Variants in ALK observed in about 807,000 individuals in gnomAD.
The protein encoded by ALK is ALK tyrosine kinase receptor.
A neutral mutation model predicts 163.1 loss-of-function variants in ALK; 74 were observed. The ratio of observed to expected loss-of-function variants is 0.45; its 90% CI spans 0.38 to 0.55. The LOEUF (loss-of-function observed/expected upper bound fraction) is 0.55. Ranked by LOEUF, ALK falls within the 20% of genes least tolerant of loss-of-function variation. The probability of loss-of-function intolerance (pLI) is 0.00; values close to 1 mark genes in which losing one functional copy is unlikely to be tolerated. For synonymous variants in ALK, 960 were observed against 843.2 expected (o/e 1.14, Z -2.40); for missense variants, 2,063 against 2,105.3 (o/e 0.98, Z 0.39).
At chr2:29,206,235 T>TCTACCTCCTCTCCC (rs1669305759) in intron 26 of ALK, among the ~76,000 whole-genome samples, 1 of 149,850 alleles carries the variant, frequency 6.7e-6, no homozygotes, top group African/African-American at 2.4e-5. Context: ...GCCCCTCCCT[T>TCTACCTCCTCTCCC]CTACCTCCTC....
chr2:29,275,465 G>A lies in ALK; in HGVS notation c.1849C>T (p.Gln617Ter). Reference sequence around the variant, plus strand: ...AAAGCCACGATGGCTCTGGATCCTTGTCCCCACCATGCGACCATCTGCAGC... The same window carrying A: ...AAAGCCACGATGGCTCTGGATCCTTATCCCCACCATGCGACCATCTGCAGC... The part of the protein sequence containing the change: ...FWLQMVAWWG[Q>*]GSRAIVAFDN... Residue 617 changes from glutamine (Q) to a stop codon, truncating the protein, a stop_gained, in exon 10 of 29, where the codon CAA becomes TAA. Coordinates refer to ENST00000389048, the MANE Select transcript of ALK (RefSeq NM_004304.5). LOFTEE classifies it high-confidence loss of function. 1 of 1,614,162 alleles carries A rather than the reference G, an allele frequency of 6.2e-7. No homozygotes were observed. Among genetic ancestry groups the A allele is most frequent in the Non-Finnish European group, 8.5e-7 (1 of 1,180,032 alleles).
At chr2:29,780,461 G>A (rs916020400) in intron 1 of ALK, among the ~76,000 whole-genome samples, 1 of 152,224 alleles carries the variant, frequency 6.6e-6, no homozygotes, top group East Asian at 1.9e-4. Flanking sequence ...AACTGAGCAT[G>A]GAACAAAACT....
chr2:29,343,859 A>G (rs1558684713), intron 5 of ALK, among the ~76,000 whole-genome samples: 1 of 152,176 alleles, frequency 6.6e-6, no homozygotes, highest in South Asian at 2.1e-4. Context: ...ACAGGACTCC[A>G]TTTCCACTTT....
At chr2:29,225,791 G>T (rs1420836127) in intron 18 of ALK, among the ~76,000 whole-genome samples, 1 of 152,206 alleles carries the variant, frequency 6.6e-6, no homozygotes, top group Non-Finnish European at 1.5e-5. Context: ...ATTTAACAGG[G>T]ATGAATATCA....
chr2:29,203,881 T>C (rs77883032), intron 26 of ALK, among the ~76,000 whole-genome samples: 4 of 152,168 alleles, frequency 2.6e-5, no homozygotes, highest in Non-Finnish European at 5.9e-5. Context: ...ATGATTGCTC[T>C]GCTGTCTTTA....
intron 11 of ALK, among the ~76,000 whole-genome samples, chr2:29,272,463 C>T (rs1246543334): frequency 6.6e-6 from 1 of 152,148 alleles, no homozygotes; most frequent in Non-Finnish European, 1.5e-5. Context: ...AGGTGAAGAA[C>T]CTCCCAGATC....
intron 4 of ALK, among the ~76,000 whole-genome samples, chr2:29,434,992 AC>A (rs1670364131): frequency 6.6e-6 from 1 of 152,308 alleles, no homozygotes. Context: ...GCCCAAGGTT[AC>A]ACAATTATTT....
chr2:29,344,242 G>C (rs1027581106), intron 5 of ALK, among the ~76,000 whole-genome samples: 1 of 152,180 alleles, frequency 6.6e-6, no homozygotes, highest in African/African-American at 2.4e-5. Flanking sequence ...AAACTTAACT[G>C]CAAATTCTTT....
Position 29,640,077 on chromosome 2 carries a change from C to A in ALK, c.952+54773G>T, listed in dbSNP as rs549273887. Among the ~76,000 whole-genome samples the A allele has an allele frequency of 4.6e-5, 7 of 152,124 alleles. 1 individual carries two copies. In the East Asian group the frequency reaches 9.6e-4, roughly 21 times the overall value. ...AGAAGAAGCTCAGCACCTAATGCTG[C>A]GAATTAGACAGAGGGAGGTCCAGTG... On this transcript the variant is annotated intron_variant, in intron 3 of 28. Coordinates refer to ENST00000389048, the MANE Select transcript of ALK (RefSeq NM_004304.5).
At chr2:29,756,921 A>G (rs149649386) in intron 1 of ALK, among the ~76,000 whole-genome samples, 1,612 of 152,324 alleles carry the variant, frequency 0.011, 17 homozygotes, top group South Asian at 0.05. Context: ...GGAAGCTGGC[A>G]TTGCCGTGGG....
At chr2:29,288,951 C>CAAAAA (rs770578645) in intron 9 of ALK, among the ~76,000 whole-genome samples, 3 of 24,200 alleles carry the variant, frequency 1.2e-4, no homozygotes, top group Admixed American at 7.0e-4. Flanking sequence ...GACTCCTTCT[C>CAAAAA]AAAAAAATAA....
At chr2:29,484,783 T>G (rs1455679143) in intron 4 of ALK, among the ~76,000 whole-genome samples, 2 of 152,186 alleles carry the variant, frequency 1.3e-5, no homozygotes, top group Non-Finnish European at 2.9e-5. Flanking sequence ...TGTACGTTAT[T>G]CCTTAACACT....
intron 1 of ALK, among the ~76,000 whole-genome samples, chr2:29,903,951 A>G (rs910434814): frequency 1.3e-5 from 2 of 152,210 alleles, no homozygotes; most frequent in Non-Finnish European, 2.9e-5. Context: ...GACAGAGATT[A>G]GAACTCACTT....
At chr2:29,841,352 A>G (rs1665693398) in intron 1 of ALK, among the ~76,000 whole-genome samples, 1 of 152,246 alleles carries the variant, frequency 6.6e-6, no homozygotes, top group Admixed American at 6.5e-5. Context: ...CGGTCAAGAC[A>G]CTGGCTTGTG....
chr2:29,858,381 G>T (rs1472756194), intron 1 of ALK, among the ~76,000 whole-genome samples: 1 of 152,164 alleles, frequency 6.6e-6, no homozygotes, highest in South Asian at 2.1e-4. Flanking sequence ...AGACACAAAA[G>T]TGGAACCACC....
intron 3 of ALK, among the ~76,000 whole-genome samples, chr2:29,646,510 T>C (rs10182321): frequency 6.6e-6 from 1 of 152,110 alleles, no homozygotes; most frequent in South Asian, 2.1e-4. Flanking sequence ...TCTCTAAGAG[T>C]ATAAGCCAAA....
At chr2:29,681,623 C>G (rs188983877) in intron 3 of ALK, among the ~76,000 whole-genome samples, 3 of 152,282 alleles carry the variant, frequency 2.0e-5, no homozygotes, top group Non-Finnish European at 4.4e-5. Flanking sequence ...AGACTCTGTC[C>G]TATCTCCATT....
chr2:29,918,659 G>A (rs902184589), intron 1 of ALK, among the ~76,000 whole-genome samples: 3 of 152,136 alleles, frequency 2.0e-5, no homozygotes, highest in Non-Finnish European at 4.4e-5. Flanking sequence ...GCAATGACTA[G>A]GGAACCTCAG....
chr2:29,876,629 T>C (rs975546709), intron 1 of ALK, among the ~76,000 whole-genome samples: 1 of 151,386 alleles, frequency 6.6e-6, no homozygotes, highest in Non-Finnish European at 1.5e-5. Context: ...ATGGTGGTGA[T>C]GGCGGTGATG....
Sources: gnomAD v4.1 joint callset for allele counts (sites outside exome capture counted in the v4.1 genomes callset) on GRCh38, gnomAD v4.1.1 for gene constraint, MANE v1.5 for transcripts, NCBI Gene and HGNC (gene_info 2026-07-23, HGNC 2026-07-21) for gene names.